RPH3A: variants seen among roughly 807,000 people sequenced by gnomAD.
The protein encoded by RPH3A is rabphilin 3A.
Under a neutral mutation model 102.2 loss-of-function variants are expected in RPH3A, and 48 were observed. That is an observed-to-expected ratio of 0.47 (90% confidence interval 0.37 to 0.60). The LOEUF (loss-of-function observed/expected upper bound fraction) is 0.60, where lower values mean the gene tolerates loss of function less well. RPH3A is among the 20% of genes least tolerant of loss of function. The pLI is 0.00. For synonymous variants in RPH3A, 310 were observed against 324.3 expected (o/e 0.96, Z 0.47); for missense variants, 781 against 910.1 (o/e 0.86, Z 1.83).
chr12:112,620,465 A>AT (rs1284958161), intron 1 of RPH3A, among the ~76,000 whole-genome samples: 1 of 152,172 alleles, frequency 6.6e-6, no homozygotes, highest in African/African-American at 2.4e-5. Context: ...AAACAGCATC[A>AT]TGTCCTAGGA....
At chr12:112,618,762 G>C (rs897710048) in intron 1 of RPH3A, among the ~76,000 whole-genome samples, 1 of 152,106 alleles carries the variant, frequency 6.6e-6, no homozygotes, top group Non-Finnish European at 1.5e-5. Flanking sequence ...AATTATTTTA[G>C]TATGTTCACA....
At chr12:112,620,504 A>G (rs1345256267) in intron 1 of RPH3A, among the ~76,000 whole-genome samples, 1 of 152,034 alleles carries the variant, frequency 6.6e-6, no homozygotes, top group Non-Finnish European at 1.5e-5. Flanking sequence ...CTCCACCTAC[A>G]TTTGACTTAA....
intron 1 of RPH3A, among the ~76,000 whole-genome samples, chr12:112,630,085 C>T (rs542257856): frequency 6.2e-4 from 94 of 152,044 alleles, no homozygotes; most frequent in African/African-American, 2.2e-3. Flanking sequence ...GTAATAGATC[C>T]TCCTGTCCAT....
At chr12:112,646,996 C>T (rs2039936478) in intron 1 of RPH3A, among the ~76,000 whole-genome samples, 1 of 152,186 alleles carries the variant, frequency 6.6e-6, no homozygotes, top group Non-Finnish European at 1.5e-5. Flanking sequence ...TGGGGGTACT[C>T]TAAAGTGTGA....
intron 1 of RPH3A, among the ~76,000 whole-genome samples, chr12:112,737,553 C>G (rs907299670): frequency 1.3e-5 from 2 of 152,120 alleles, no homozygotes; most frequent in South Asian, 4.2e-4. Flanking sequence ...CATAGACATG[C>G]CATGACTTCC....
chr12:112,755,118 G>A (rs1380377133), intron 1 of RPH3A, among the ~76,000 whole-genome samples: 2 of 152,092 alleles, frequency 1.3e-5, no homozygotes, highest in African/African-American at 4.8e-5. Context: ...TTTGGCACAG[G>A]TAGACTATTC....
At chr12:112,647,750 A>C (rs12299890) in intron 1 of RPH3A, among the ~76,000 whole-genome samples, 1,991 of 152,302 alleles carry the variant, frequency 0.013, 59 homozygotes, top group African/African-American at 0.046. Flanking sequence ...TTCCAGGCAG[A>C]GGGAACTGCA....
intron 2 of RPH3A, among the ~76,000 whole-genome samples, chr12:112,824,307 T>C (rs963237681): frequency 1.3e-5 from 2 of 152,210 alleles, no homozygotes; most frequent in African/African-American, 4.8e-5. Flanking sequence ...TGCTGCTCCC[T>C]GGTATCTCTG....
chr12:112,747,921 C>A (rs2040759945), intron 1 of RPH3A, among the ~76,000 whole-genome samples: 1 of 152,162 alleles, frequency 6.6e-6, no homozygotes, highest in South Asian at 2.1e-4. Flanking sequence ...AGCCAGGAGC[C>A]CCTTCTTGCA....
intron 3 of RPH3A, among the ~76,000 whole-genome samples, chr12:112,834,859 T>C (rs1485453130): frequency 6.7e-6 from 1 of 149,354 alleles, no homozygotes; most frequent in Non-Finnish European, 1.5e-5. Context: ...TGGATATACA[T>C]GTTACAAATA....
At chr12:112,748,285 G>A (rs2040761921) in intron 1 of RPH3A, among the ~76,000 whole-genome samples, 1 of 152,082 alleles carries the variant, frequency 6.6e-6, no homozygotes, top group Admixed American at 6.6e-5. Flanking sequence ...TTGGAATCAT[G>A]CGGAATGTTT....
At chr12:112,789,148 ACT>A (rs765461133), upstream of RPH3A, among the ~76,000 whole-genome samples, 350 of 152,168 alleles carry the variant, frequency 2.3e-3, 3 homozygotes, top group Non-Finnish European at 1.2e-3. Flanking sequence ...ACAGAGCAAG[ACT>A]CTGTCTCAAA....
At chr12:112,821,089 C>A (rs12229005) in intron 2 of RPH3A, among the ~76,000 whole-genome samples, 16,843 of 152,060 alleles carry the variant, frequency 0.11, 1,051 homozygotes, top group East Asian at 0.27. Flanking sequence ...ACCGTCTGGA[C>A]GGGACTGGAT....
At chr12:112,796,777 G>T (rs1440398001) in intron 2 of RPH3A, among the ~76,000 whole-genome samples, 1 of 152,154 alleles carries the variant, frequency 6.6e-6, no homozygotes, top group Non-Finnish European at 1.5e-5. Context: ...TGGCCCGGTG[G>T]GGTGGTTCAT....
chr12:112,789,476 C>A (rs1204323852), upstream of RPH3A, among the ~76,000 whole-genome samples: 1 of 152,210 alleles, frequency 6.6e-6, no homozygotes, highest in East Asian at 1.9e-4. Context: ...TCATACGACA[C>A]TGAGTTTGAA....
chr12:112,832,996 G>A (rs2041994773), intron 3 of RPH3A, among the ~76,000 whole-genome samples: 1 of 144,202 alleles, frequency 6.9e-6, no homozygotes, highest in Non-Finnish European at 1.5e-5. Context: ...GAGTGCAGTG[G>A]CACAATCTTG....
At chr12:112,808,717 G>A (rs1000567323) in intron 2 of RPH3A, among the ~76,000 whole-genome samples, 6 of 152,124 alleles carry the variant, frequency 3.9e-5, no homozygotes, top group East Asian at 3.8e-4. Context: ...CAGCAGTACC[G>A]GTATTGCCTG....
In RPH3A at chr12:112,606,567, G is replaced by T. The variant is rs541888043; in HGVS notation, c.-140+31248G>T. ...GGCTAATTTTTGGATTTTTAGTGGAGATGGGATTTCACCATGTTGACCAGG... is the reference window on the plus strand; with the variant it reads ...GGCTAATTTTTGGATTTTTAGTGGATATGGGATTTCACCATGTTGACCAGG... On this transcript the variant is annotated intron_variant, in intron 1 of 21. Coordinates refer to the RPH3A transcript ENST00000543106. 8.9e-4 allele frequency among the ~76,000 whole-genome samples: 135 copies of T among 152,252 alleles called. 2 individuals carry two copies. Among genetic ancestry groups the T allele is most frequent in the African/African-American group, 3.1e-3 (128 of 41,560 alleles).
At chr12:112,700,080 T>TC (rs1160358809) in intron 1 of RPH3A, among the ~76,000 whole-genome samples, 1 of 152,136 alleles carries the variant, frequency 6.6e-6, no homozygotes, top group Non-Finnish European at 1.5e-5. Context: ...TTTTTTTTTT[T>TC]TCTTTTGAGA....
Sources: allele counts gnomAD v4.1 joint callset (sites outside exome capture counted in the v4.1 genomes callset), GRCh38; gene constraint gnomAD v4.1.1; transcripts MANE v1.5; gene names NCBI Gene and HGNC (gene_info 2026-07-23, HGNC 2026-07-21).